KCNQ1: variants seen among roughly 807,000 people sequenced by gnomAD.
KCNQ1 encodes the protein potassium voltage-gated channel subfamily KQT member 1.
In KCNQ1, 49 loss-of-function variants were observed where a neutral mutation model predicts 72.4. The observed-to-expected ratio is 0.68, with a 90% confidence interval of 0.54 to 0.86. KCNQ1 has a LOEUF of 0.86. Among genes scored for constraint, KCNQ1 ranks in the 40% least tolerant of loss-of-function variants. The pLI is 0.00. For missense variants in KCNQ1, 790 were observed against 945.1 expected (o/e 0.84, Z 2.15); for synonymous variants, 450 against 412.6 (o/e 1.09, Z -1.10).
chr11:2,521,008 CT>C (rs1847373196), intron 1 of KCNQ1, among the ~76,000 whole-genome samples: 1 of 127,710 alleles, frequency 7.8e-6, no homozygotes, highest in Non-Finnish European at 1.6e-5. Flanking sequence ...TTTGAACCCT[CT>C]GATGCTTGCT....
At chr11:2,796,281 A>G (rs913579871) in intron 15 of KCNQ1, among the ~76,000 whole-genome samples, 1 of 152,200 alleles carries the variant, frequency 6.6e-6, no homozygotes, top group African/African-American at 2.4e-5. Context: ...TGGCAGCCAC[A>G]GTGCTGATGA....
Position 2,815,290 on chromosome 11 carries a change from C to A in KCNQ1, c.1795-32477C>A, listed in dbSNP as rs1161390274. ...CAGCATCCACACTCCCCACTAGAGC[C>A]CACATAGGTCTTATGGGTGCCACAG... On this transcript the variant is annotated intron_variant, in intron 15 of 15. Transcript: ENST00000155840. This position sits in a 1 kb window ranked among gnomAD's most constrained non-coding sequence, Gnocchi z 5.4. Among the ~76,000 whole-genome samples, 1 of 152,128 alleles carries A rather than the reference C, an allele frequency of 6.6e-6. No homozygotes were observed. Among genetic ancestry groups the A allele is most frequent in the African/African-American group, 2.4e-5 (1 of 41,414 alleles).
Position 2,564,086 on chromosome 11 carries a change from C to T in KCNQ1, c.478-6542C>T, listed in dbSNP as rs1848212721. Among the ~76,000 whole-genome samples, 2 of 152,336 alleles carry T rather than the reference C, an allele frequency of 1.3e-5. No homozygotes were observed. Among genetic ancestry groups the T allele is most frequent in the Non-Finnish European group, 2.9e-5 (2 of 68,024 alleles). ...CCCCTCGAGGCACTCATTTCAGTAT[C>T]AGAGAACACACATAACGTAAAATTC... On this transcript the variant is annotated intron_variant, in intron 2 of 15. Coordinates refer to ENST00000155840, the MANE Select transcript of KCNQ1 (RefSeq NM_000218.3). This position sits in a 1 kb window ranked among gnomAD's most constrained non-coding sequence, Gnocchi z 4.5.
In KCNQ1 at chr11:2,658,811, T is replaced by G. The variant is rs1849898559; in HGVS notation, c.1394-3150T>G. ...TCATCCTTGCCCCCTCCCCCACAAC[T>G]TATTTATAGCTTTTTCTCTGACAGC... is the stretch of plus-strand genomic sequence containing the variant. On this transcript the variant is annotated intron_variant, in intron 10 of 15. Transcript: ENST00000155840. The surrounding 1 kb of genome is among the most constrained non-coding windows in gnomAD (Gnocchi z 4.9). The G allele has an allele frequency of 2.5e-6, 1 of 398,488 alleles. No homozygotes were observed. The allele number at this position is 398,488 out of a possible 1,614,324, so 24.7% of individuals were successfully genotyped here. A position where few individuals can be genotyped will look rare whatever the true frequency, so the allele number is the denominator to read the frequency against.
rs1239847448 is a variant in KCNQ1 at position 2,515,851 on chromosome 11, T to G, written c.387-12077T>G. 6.6e-6 allele frequency among the ~76,000 whole-genome samples: 1 copy of G among 152,020 alleles called. No homozygotes were observed. Among genetic ancestry groups the G allele is most frequent in the Non-Finnish European group, 1.5e-5 (1 of 67,980 alleles). ...GGGGCTTGTGCTCTGCCGGGCCACC[T>G]GCACCCTCCGGGCCCCAGGAGAAGC... On this transcript the variant is annotated intron_variant, in intron 1 of 15. Transcript: ENST00000155840. This position sits in a 1 kb window ranked among gnomAD's most constrained non-coding sequence, Gnocchi z 4.7.
Position 2,676,253 on chromosome 11 carries a change from A to G in KCNQ1, c.1514+14172A>G. On this transcript the variant is annotated intron_variant, in intron 11 of 15. Coordinates refer to ENST00000155840, the MANE Select transcript of KCNQ1 (RefSeq NM_000218.3). This position sits in a 1 kb window ranked among gnomAD's most constrained non-coding sequence, Gnocchi z 4.2. ...TTATTATGGTGCAGTACATCTGAGA[A>G]GCATTTTTATTGCAAAATGTGTGTT... 2.5e-6 allele frequency: 1 copy of G among 398,662 alleles called. No homozygotes were observed. Among genetic ancestry groups the G allele is most frequent in the Non-Finnish European group, 4.4e-6 (1 of 226,074 alleles). 24.7% of individuals were successfully genotyped at this position (398,662 alleles called of 1,614,324 possible). A position where few individuals can be genotyped will look rare whatever the true frequency, so the allele number is the denominator to read the frequency against.
intron 11 of KCNQ1, among the ~76,000 whole-genome samples, chr11:2,761,992 G>A (rs978235440): frequency 6.6e-6 from 1 of 152,228 alleles, no homozygotes; most frequent in Admixed American, 6.5e-5. Flanking sequence ...CTGGATGTGG[G>A]GCCGCATCCA....
At chr11:2,778,294 G>A (rs1246406320) in intron 15 of KCNQ1, among the ~76,000 whole-genome samples, 1 of 152,218 alleles carries the variant, frequency 6.6e-6, no homozygotes, top group Non-Finnish European at 1.5e-5. Context: ...ACTGGCAGGT[G>A]GCACCAAGTG....
rs1282246853 is a variant in KCNQ1, at chr11:2,493,784, T to A, written c.387-34144T>A. On this transcript the variant is annotated intron_variant, in intron 1 of 15. Coordinates refer to ENST00000155840, the MANE Select transcript of KCNQ1 (RefSeq NM_000218.3). The surrounding 1 kb of genome is among the most constrained non-coding windows in gnomAD (Gnocchi z 5.3). ...TATAGTTTGAAGTCAGGTAGTGTGA[T>A]GCCTCCAGCTTTGTTCTTTTTACTT... is the stretch of plus-strand genomic sequence containing the variant. Among the ~76,000 whole-genome samples the A allele has an allele frequency of 6.6e-6, 1 of 152,236 alleles. No individual in the cohort carries two copies. Among genetic ancestry groups the A allele is most frequent in the East Asian group, 1.9e-4 (1 of 5,204 alleles).
rs926417415 is a variant in KCNQ1 at position 2,462,574 on chromosome 11, G to A, written c.386+17090G>A. Among the ~76,000 whole-genome samples the A allele has an allele frequency of 1.3e-5, 2 of 152,302 alleles. No homozygotes were observed. The highest frequency in any genetic ancestry group is 2.9e-5 in the Non-Finnish European group (2 of 68,016). On this transcript the variant is annotated intron_variant, in intron 1 of 15. Coordinates refer to ENST00000155840, the MANE Select transcript of KCNQ1 (RefSeq NM_000218.3). This position sits in a 1 kb window ranked among gnomAD's most constrained non-coding sequence, Gnocchi z 8.2. Reference sequence around the variant, plus strand: ...CCACCTGTTACTGAGTGGCAGGGACGTGCTCCCACACCCCCATGCGCCATC... The same window carrying A: ...CCACCTGTTACTGAGTGGCAGGGACATGCTCCCACACCCCCATGCGCCATC...
intron 14 of KCNQ1, among the ~76,000 whole-genome samples, chr11:2,777,377 C>T (rs1055974144): frequency 1.3e-5 from 2 of 151,964 alleles, no homozygotes; most frequent in African/African-American, 4.8e-5. Context: ...AGCTGCCAGC[C>T]CAGAATTCAA....
chr11:2,651,801 CA>C lies in KCNQ1; in HGVS notation c.1394-10159del. On this transcript the variant is annotated intron_variant, in intron 10 of 15. Coordinates refer to ENST00000155840, the MANE Select transcript of KCNQ1 (RefSeq NM_000218.3). This position sits in a 1 kb window ranked among gnomAD's most constrained non-coding sequence, Gnocchi z 6.1. Reference sequence around the variant, plus strand: ...TTGATTCCTGGGCCCCTTAAGAGTCCATTAGCATTGGAATGGAGCCCACAGG... The same window carrying C: ...TTGATTCCTGGGCCCCTTAAGAGTCCTTAGCATTGGAATGGAGCCCACAGG... 1 of 398,604 alleles carries C rather than the reference CA, an allele frequency of 2.5e-6. No individual in the cohort carries two copies. Among genetic ancestry groups the C allele is most frequent in the Non-Finnish European group, 4.4e-6 (1 of 226,086 alleles). The allele number at this position is 398,604 out of a possible 1,614,324, so 24.7% of individuals were successfully genotyped here.
At chr11:2,485,320 G>C (rs1846723575) in intron 1 of KCNQ1, among the ~76,000 whole-genome samples, 1 of 152,086 alleles carries the variant, frequency 6.6e-6, no homozygotes, top group South Asian at 2.1e-4. Context: ...CCTCAGAGGA[G>C]AGCCAGGCGC....
chr11:2,564,143 T>C lies in KCNQ1; in HGVS notation c.478-6485T>C, dbSNP rs565648200. On this transcript the variant is annotated intron_variant, in intron 2 of 15. Coordinates refer to ENST00000155840, the MANE Select transcript of KCNQ1 (RefSeq NM_000218.3). The surrounding 1 kb of genome is among the most constrained non-coding windows in gnomAD (Gnocchi z 4.5). Reference sequence around the variant, plus strand: ...TCAGCCATTTCAGCCATTTCAGCCATTTCACAGCGTGCAATTTGGTGGCAT... The same window carrying C: ...TCAGCCATTTCAGCCATTTCAGCCACTTCACAGCGTGCAATTTGGTGGCAT... Among the ~76,000 whole-genome samples the C allele has an allele frequency of 2.3e-4, 35 of 152,242 alleles. No homozygotes were observed. Among genetic ancestry groups the C allele is most frequent in the Non-Finnish European group, 2.5e-4 (17 of 68,022 alleles).
Position 2,735,628 on chromosome 11 carries a change from C to T in KCNQ1, c.1515-33216C>T, listed in dbSNP as rs767153937. ...AGCTGGGGGATGACATGAGTCCACT[C>T]CGCTGTCACCACCAAGACCACAGTG... On this transcript the variant is annotated intron_variant, in intron 11 of 15. Coordinates refer to ENST00000155840, the MANE Select transcript of KCNQ1 (RefSeq NM_000218.3). This position sits in a 1 kb window ranked among gnomAD's most constrained non-coding sequence, Gnocchi z 7.7. 6.6e-6 allele frequency among the ~76,000 whole-genome samples: 1 copy of T among 152,100 alleles called. No homozygotes were observed. The highest frequency in any genetic ancestry group is 2.1e-4 in the South Asian group (1 of 4,804).
rs2133871014 is a variant in KCNQ1, at chr11:2,673,413, G to A, written c.1514+11332G>A. On this transcript the variant is annotated intron_variant, in intron 11 of 15. Transcript: ENST00000155840. The surrounding 1 kb of genome is among the most constrained non-coding windows in gnomAD (Gnocchi z 4.5). ...TTTGTTTAGCCCACCTTCTGCCTAGGCACCAGGCCTGGAGGTTCCAACTTG... is the reference window on the plus strand; with the variant it reads ...TTTGTTTAGCCCACCTTCTGCCTAGACACCAGGCCTGGAGGTTCCAACTTG... 2.5e-6 allele frequency: 1 copy of A among 398,662 alleles called. No homozygotes were observed. The highest frequency in any genetic ancestry group is 3.6e-5 in the East Asian group (1 of 28,080). 24.7% of individuals were successfully genotyped at this position (398,662 alleles called of 1,614,324 possible).
At chr11:2,640,376 C>A (rs1337520762) in intron 10 of KCNQ1, 4 of 398,516 alleles carry the variant, frequency 1.0e-5, no homozygotes, top group Non-Finnish European at 8.8e-6. Flanking sequence ...ATCTTTAACT[C>A]CCAGGCTCAA....
chr11:2,474,190 C>G (rs3815063), intron 1 of KCNQ1, among the ~76,000 whole-genome samples: 84,288 of 152,050 alleles, frequency 0.55, 24,531 homozygotes, highest in Non-Finnish European at 0.64. Context: ...CGTCAAGAAG[C>G]GTTGGGGGTA....
intron 11 of KCNQ1, among the ~76,000 whole-genome samples, chr11:2,751,749 C>T (rs546613750): frequency 2.6e-4 from 40 of 152,376 alleles, no homozygotes; most frequent in South Asian, 6.2e-4. Context: ...GCAGGCAGAT[C>T]GGGACCCCAG....
Sources: allele counts gnomAD v4.1 joint callset (sites outside exome capture counted in the v4.1 genomes callset), GRCh38; gene constraint gnomAD v4.1.1; non-coding constraint Gnocchi (gnomAD v3.1); transcripts MANE v1.5; gene names NCBI Gene and HGNC (gene_info 2026-07-23, HGNC 2026-07-21).